Variants in AP1S2 observed in about 807,000 individuals in gnomAD.
AP1S2 encodes the protein AP-1 complex subunit sigma-2.
In AP1S2, 1 loss-of-function variant was observed where a neutral mutation model predicts 14.3. That is an observed-to-expected ratio of 0.07 (90% CI 0.02 to 0.33). The LOEUF (loss-of-function observed/expected upper bound fraction) is 0.33, where lower values mean the gene tolerates loss of function less well. Among genes scored for constraint, AP1S2 ranks in the 10% least tolerant of loss-of-function variants. The pLI is 0.99. For missense variants in AP1S2, 30 were observed against 117.7 expected (o/e 0.25, Z 3.45); for synonymous variants, 30 against 40.5 (o/e 0.74, Z 0.99).
intron 4 of AP1S2, among the ~76,000 whole-genome samples, chrX:15,842,958 G>A (rs919390213): frequency 9.3e-6 from 1 of 107,049 alleles, no homozygotes; most frequent in Non-Finnish European, 1.9e-5. Flanking sequence ...CACAGGAAGC[G>A]GAGGTTGCAG....
intron 4 of AP1S2, among the ~76,000 whole-genome samples, chrX:15,835,085 T>C (rs1307305026): frequency 8.9e-6 from 1 of 112,268 alleles, no homozygotes. Flanking sequence ...ATCTGCAGGC[T>C]TAAGTCTTGT....
intron 4 of AP1S2, among the ~76,000 whole-genome samples, chrX:15,834,009 G>A (rs1187458762): frequency 9.0e-6 from 1 of 111,422 alleles, no homozygotes; most frequent in East Asian, 2.8e-4. Context: ...AAAACAGTGA[G>A]AAAAAATTTT....
At chrX:15,854,152 T>C (rs1385220119) in intron 1 of AP1S2, among the ~76,000 whole-genome samples, 1 of 112,627 alleles carries the variant, frequency 8.9e-6, no homozygotes, top group East Asian at 2.8e-4. Context: ...AACGCTTTGA[T>C]TTTGCCGCAA....
At chrX:15,840,518 A>G in intron 4 of AP1S2, 1 of 971,230 alleles carries the variant, frequency 1.0e-6, no homozygotes, top group Non-Finnish European at 1.3e-6. Flanking sequence ...TTGGGGATCA[A>G]AGGGACTAAA....
intron 2 of AP1S2, among the ~76,000 whole-genome samples, chrX:15,847,996 C>T (rs183945873): frequency 8.9e-6 from 1 of 111,903 alleles, no homozygotes; most frequent in East Asian, 2.8e-4. Context: ...TCTTTACTTA[C>T]AAATAAAAAG....
At chrX:15,829,382 T>A (rs941107385) in intron 4 of AP1S2, among the ~76,000 whole-genome samples, 7 of 111,815 alleles carry the variant, frequency 6.3e-5, no homozygotes, top group South Asian at 3.7e-4. Flanking sequence ...TAGCCTTGAA[T>A]GTATCAATTA....
intron 4 of AP1S2, chrX:15,830,014 T>C (rs1383474467): frequency 1.5e-6 from 1 of 659,791 alleles, no homozygotes; most frequent in Non-Finnish European, 1.8e-6. Context: ...TAAAACGTTA[T>C]TTTATGAGGG....
rs962873156 is a variant in AP1S2 at position 15,844,214 on chromosome X, G to A, written c.426+1165C>T. 6.2e-5 allele frequency among the ~76,000 whole-genome samples: 7 copies of A among 112,367 alleles called. No homozygotes were observed. The South Asian group carries it at 1.1e-3, about 18-fold the overall frequency. On this transcript the variant is annotated intron_variant, in intron 4 of 5. Coordinates refer to ENST00000672987, the MANE Select transcript of AP1S2 (RefSeq NM_001272071.2). ...CAAACAGCTTTCCCTTCCTCACAGAGTCCAAGAGTTAAGAAGTTAAAATGG... is the reference window on the plus strand; with the variant it reads ...CAAACAGCTTTCCCTTCCTCACAGAATCCAAGAGTTAAGAAGTTAAAATGG...
At chrX:15,828,439 T>C (rs1333102736) in intron 4 of AP1S2, among the ~76,000 whole-genome samples, 1 of 111,897 alleles carries the variant, frequency 8.9e-6, no homozygotes, top group African/African-American at 3.2e-5. Context: ...TTAGGTGATA[T>C]AGTTACACAA....
intron 4 of AP1S2, among the ~76,000 whole-genome samples, chrX:15,834,481 A>AAAT (rs1555902841): frequency 7.7e-5 from 1 of 13,018 alleles, no homozygotes; most frequent in African/African-American, 4.1e-4. Context: ...TATATATATA[A>AAAT]TTTTTTTTTT....
chrX:15,828,586 AG>A (rs1448073909), intron 4 of AP1S2, among the ~76,000 whole-genome samples: 1 of 111,605 alleles, frequency 9.0e-6, no homozygotes, highest in Non-Finnish European at 1.9e-5. Flanking sequence ...TAGCGAAAAA[AG>A]GTATTTTTTT....
At chrX:15,832,014 C>T in intron 4 of AP1S2, 2 of 753,065 alleles carry the variant, frequency 2.7e-6, no homozygotes, top group Non-Finnish European at 3.1e-6. Context: ...AGTAGTCACT[C>T]ATCTGGTATT....
At chrX:15,846,108 C>A (rs1933992853) in intron 2 of AP1S2, 97 bp from the exon 3 acceptor site, 1 of 637,807 alleles carries the variant, frequency 1.6e-6, no homozygotes, top group Admixed American at 2.4e-5. Flanking sequence ...CAAGTTTATA[C>A]AGTTTATTTC....
chrX:15,845,869 G>T, intron 3 of AP1S2, 34 bp downstream of exon 3: 1 of 1,075,580 alleles, frequency 9.3e-7, no homozygotes, highest in Non-Finnish European at 1.3e-6. Flanking sequence ...AATATACTAT[G>T]GCATTCAATT....
In AP1S2 at chrX:15,845,969, G is replaced by A. The variant is rs1933988900; in HGVS notation, c.222C>T (p.Asp74=). The A allele has an allele frequency of 1.8e-5, 22 of 1,201,456 alleles. No homozygotes were observed. The highest frequency in any genetic ancestry group is 2.4e-5 in the Non-Finnish European group (21 of 886,416). Residue 74 remains aspartate (D), a synonymous_variant, in exon 3 of 6, where the codon GAC becomes GAT. Transcript: ENST00000672987. ...TTATTTCCAGGGTAATTAGTTCATT[G>A]TCCTGATCCTCAATAGCACAGCAAA... ...LYFCCAIEDQ[D]NELITLEIIH...
intron 4 of AP1S2, 100 bp from the exon 5 acceptor site, chrX:15,828,300 T>A: frequency 3.3e-6 from 2 of 607,275 alleles, no homozygotes; most frequent in Non-Finnish European, 4.7e-6. Flanking sequence ...GGTGTAATCT[T>A]AAGTAAATTA....
intron 4 of AP1S2, among the ~76,000 whole-genome samples, chrX:15,834,478 AT>A (rs1447240540): frequency 0.046 from 1,156 of 25,387 alleles, 8 homozygotes; most frequent in Non-Finnish European, 0.055. Context: ...ATATATATAT[AT>A]AATTTTTTTT....
intron 4 of AP1S2, among the ~76,000 whole-genome samples, chrX:15,837,734 G>A (rs1392879657): frequency 9.3e-6 from 1 of 107,063 alleles, no homozygotes; most frequent in Non-Finnish European, 1.9e-5. Flanking sequence ...AGCCTCCCAA[G>A]TAGCTGGGAT....
At chrX:15,836,973 G>A (rs1933662450) in intron 4 of AP1S2, among the ~76,000 whole-genome samples, 1 of 111,695 alleles carries the variant, frequency 9.0e-6, no homozygotes, top group African/African-American at 3.3e-5. Context: ...ATGTTGCCCA[G>A]GCTGGTCTCA....
Sources: gnomAD v4.1 joint callset for allele counts (sites outside exome capture counted in the v4.1 genomes callset) on GRCh38, gnomAD v4.1.1 for gene constraint, MANE v1.5 for transcripts, NCBI Gene and HGNC (gene_info 2026-07-23, HGNC 2026-07-21) for gene names.